Variants in CEP112 observed in about 807,000 individuals in gnomAD.
CEP112 encodes centrosomal protein of 112 kDa.
In CEP112, 127 loss-of-function variants were observed where a neutral mutation model predicts 153.0. The ratio of observed to expected loss-of-function variants is 0.83; its 90% confidence interval spans 0.72 to 0.96. CEP112 has a LOEUF of 0.96. Among genes scored for constraint, CEP112 ranks in the 40% least tolerant of loss-of-function variants. The probability of loss-of-function intolerance (pLI) is 0.00; values close to 1 mark genes in which losing one functional copy is unlikely to be tolerated. For missense variants in CEP112, 1,089 were observed against 1,101.2 expected (o/e 0.99, Z 0.16); for synonymous variants, 358 against 374.4 (o/e 0.96, Z 0.51).
At chr17:66,148,860 T>C (rs2071038807) in intron 4 of CEP112, among the ~76,000 whole-genome samples, 1 of 152,162 alleles carries the variant, frequency 6.6e-6, no homozygotes, top group Admixed American at 6.5e-5. Context: ...TTCTTGCGAA[T>C]TGCCTATGTT....
Position 65,961,617 on chromosome 17 carries a change from G to C in CEP112, c.1737-19C>G, listed in dbSNP as rs1410833107. The stretch of plus-strand genomic sequence containing the variant: ...TTTTTCCCTAGAAAGGTTCAGAGAA[G>C]CTTCAGAGTTAAAATATAAAAGAGC... On this transcript the variant is annotated intron_variant, in intron 17 of 26. Coordinates refer to ENST00000535342, the MANE Select transcript of CEP112 (RefSeq NM_001199165.4). 6.3e-7 allele frequency: 1 copy of C among 1,585,952 alleles called. No homozygotes were observed. The highest frequency in any genetic ancestry group is 1.3e-5 in the African/African-American group (1 of 74,162).
At chr17:65,661,942 G>T (rs1028268846) in intron 24 of CEP112, 4 of 140,486 alleles carry the variant, frequency 2.8e-5, no homozygotes, top group Non-Finnish European at 4.7e-5. Flanking sequence ...ATGTGTGTGT[G>T]TGTGTGTATA....
chr17:65,971,623 C>T (rs1265125949), intron 17 of CEP112, among the ~76,000 whole-genome samples: 1 of 151,574 alleles, frequency 6.6e-6, no homozygotes, highest in Non-Finnish European at 1.5e-5. Flanking sequence ...ATATGTATAT[C>T]CCATGCATAT....
intron 21 of CEP112, among the ~76,000 whole-genome samples, chr17:65,774,479 C>T (rs1391781102): frequency 1.3e-5 from 2 of 152,174 alleles, no homozygotes; most frequent in Non-Finnish European, 2.9e-5. Flanking sequence ...TGTGTTCAAG[C>T]TGGCCAACAA....
intron 9 of CEP112, among the ~76,000 whole-genome samples, chr17:66,069,627 G>A (rs2067240011): frequency 6.6e-6 from 1 of 151,974 alleles, no homozygotes; most frequent in Non-Finnish European, 1.5e-5. Flanking sequence ...ACAGAATGCA[G>A]ATAAAAGACT....
intron 8 of CEP112, among the ~76,000 whole-genome samples, chr17:66,080,840 G>A (rs1253612541): frequency 1.3e-5 from 2 of 152,124 alleles, no homozygotes; most frequent in Non-Finnish European, 2.9e-5. Context: ...CCATAAAAAA[G>A]GATAAGTTCG....
intron 4 of CEP112, among the ~76,000 whole-genome samples, chr17:66,162,939 T>C (rs1379911238): frequency 6.6e-6 from 1 of 152,168 alleles, no homozygotes; most frequent in African/African-American, 2.4e-5. Flanking sequence ...GAATGAACTA[T>C]AGCTATATTT....
At chr17:66,110,403 T>G (rs754419103) in intron 6 of CEP112, among the ~76,000 whole-genome samples, 11 of 150,988 alleles carry the variant, frequency 7.3e-5, no homozygotes, top group Non-Finnish European at 1.5e-4. Flanking sequence ...GACAAACCAA[T>G]TGAACCAACT....
intron 6 of CEP112, among the ~76,000 whole-genome samples, chr17:66,107,077 T>C (rs2068814602): frequency 6.6e-6 from 1 of 152,136 alleles, no homozygotes; most frequent in Non-Finnish European, 1.5e-5. Context: ...TGAAAAAGCA[T>C]TTAATAAAAT....
At chr17:66,091,573 G>A (rs2068132951) in intron 8 of CEP112, among the ~76,000 whole-genome samples, 1 of 152,052 alleles carries the variant, frequency 6.6e-6, no homozygotes, top group Non-Finnish European at 1.5e-5. Flanking sequence ...AGCAATAAAT[G>A]CCTACATCAA....
chr17:66,012,609 A>G (rs1051191797), intron 16 of CEP112, among the ~76,000 whole-genome samples: 4 of 152,178 alleles, frequency 2.6e-5, no homozygotes, highest in African/African-American at 9.7e-5. Flanking sequence ...TGTTACCCTG[A>G]TGGGCTTCAC....
intron 25 of CEP112, among the ~76,000 whole-genome samples, chr17:65,640,443 C>T (rs1181570968): frequency 6.6e-6 from 1 of 152,162 alleles, no homozygotes; most frequent in Non-Finnish European, 1.5e-5. Context: ...TATGAGCCAC[C>T]ATGCCCAGCC....
intron 20 of CEP112, among the ~76,000 whole-genome samples, chr17:65,852,289 TCCTCC>T (rs1490050292): frequency 3.6e-4 from 1 of 2,794 alleles, no homozygotes; most frequent in Non-Finnish European, 7.8e-4. Flanking sequence ...TCCCTTCCCC[TCCTCC>T]CTTCCCTTCC....
chr17:66,010,401 G>T (rs560914895), intron 16 of CEP112, among the ~76,000 whole-genome samples: 1 of 152,080 alleles, frequency 6.6e-6, no homozygotes, highest in East Asian at 1.9e-4. Context: ...CATATCATCC[G>T]CAAACAGGGA....
chr17:65,905,788 A>C (rs2060052194), intron 19 of CEP112, among the ~76,000 whole-genome samples: 2 of 151,884 alleles, frequency 1.3e-5, no homozygotes, highest in Admixed American at 1.3e-4. Flanking sequence ...ACAAAAACAA[A>C]AACAAAATTA....
intron 20 of CEP112, among the ~76,000 whole-genome samples, chr17:65,877,850 G>A (rs372128599): frequency 6.6e-6 from 1 of 152,080 alleles, no homozygotes; most frequent in South Asian, 2.1e-4. Context: ...TATACACAAT[G>A]GAATATTATT....
Position 65,635,953 on chromosome 17 carries a change from T to C in CEP112, c.*18A>G. On this transcript the variant is annotated 3_prime_UTR_variant, in exon 27 of 27. Transcript: ENST00000535342. ...CAGCACAGCCTGGAAATTGCATCCG[T>C]TGCATTCTCTCGTGCAGTTACCTGT... 5 of 1,599,498 alleles carry C rather than the reference T, an allele frequency of 3.1e-6. 1 individual carries two copies. The highest frequency in any genetic ancestry group is 4.5e-5 in the East Asian group (2 of 44,726).
chr17:65,900,862 G>A (rs936822143), intron 20 of CEP112, among the ~76,000 whole-genome samples: 5 of 152,182 alleles, frequency 3.3e-5, no homozygotes, highest in Admixed American at 1.3e-4. Context: ...AAGTATTCTC[G>A]TACCATGGGC....
chr17:65,940,015 A>T (rs1012332566), intron 18 of CEP112, among the ~76,000 whole-genome samples: 2 of 152,220 alleles, frequency 1.3e-5, no homozygotes, highest in African/African-American at 4.8e-5. Flanking sequence ...TATTCAAAAT[A>T]TATAAAGAAC....
Sources: allele counts gnomAD v4.1 joint callset (sites outside exome capture counted in the v4.1 genomes callset), GRCh38; gene constraint gnomAD v4.1.1; transcripts MANE v1.5; gene names NCBI Gene and HGNC (gene_info 2026-07-23, HGNC 2026-07-21).